The following PXDNL variants were observed in gnomAD, a reference collection of about 807,000 sequenced individuals.
PXDNL encodes probable oxidoreductase PXDNL.
Under a neutral mutation model 150.8 loss-of-function variants are expected in PXDNL, and 145 were observed. The ratio of observed to expected loss-of-function variants is 0.96; its 90% CI spans 0.84 to 1.10. PXDNL has a LOEUF of 1.10. PXDNL is among the 50% of genes least tolerant of loss of function. The pLI, the probability that PXDNL is intolerant of heterozygous loss-of-function variation, is 0.00. For synonymous variants in PXDNL, 757 were observed against 725.7 expected (o/e 1.04, Z -0.69); for missense variants, 2,087 against 1,873.9 (o/e 1.11, Z -2.10).
intron 10 of PXDNL, among the ~76,000 whole-genome samples, chr8:51,452,498 ATT>A (rs1809828192): frequency 6.6e-6 from 1 of 152,204 alleles, no homozygotes; most frequent in Non-Finnish European, 1.5e-5. Context: ...AAACAGTTCA[ATT>A]TAGAAAACAT....
At chr8:51,320,210 G>A (rs765856227) in intron 22 of PXDNL, among the ~76,000 whole-genome samples, 188 bp from the exon 23 acceptor site, 34 of 152,044 alleles carry the variant, frequency 2.2e-4, no homozygotes, top group Non-Finnish European at 3.2e-4. Flanking sequence ...TTTGCAGCAC[G>A]AACAGCAAGC....
At position 51,534,497 on chromosome 8, in the gene PXDNL, C is replaced by T. The variant is rs1389044643; in HGVS notation, c.380+22343G>A. ...GAGGGAGGTGGGGGGGTCAGCCCCC[C>T]GCCCGGCCAGCCGCCCAGTCCGGGA... On this transcript the variant is annotated intron_variant, in intron 4 of 22. Transcript: ENST00000356297. Among the ~76,000 whole-genome samples the T allele has an allele frequency of 1.0e-4, 3 of 28,928 alleles. No individual in the cohort carries two copies. The East Asian group carries it at 3.7e-3, about 35-fold the overall frequency. The allele number at this position is 28,928 out of a possible 152,430, so 19.0% of individuals were successfully genotyped here.
intron 12 of PXDNL, among the ~76,000 whole-genome samples, chr8:51,435,402 T>C (rs1809372858): frequency 6.6e-6 from 1 of 151,812 alleles, no homozygotes; most frequent in South Asian, 2.1e-4. Context: ...AGATGCAACA[T>C]ATTTGGAAGA....
Position 51,666,463 on chromosome 8 carries a change from C to T in PXDNL, c.165-11703G>A, listed in dbSNP as rs141497739. ...TTAGGGAGATACATATACATATATA[C>T]ATGCATATATCCATATACATACACA... On this transcript the variant is annotated intron_variant, in intron 1 of 22. Transcript: ENST00000356297. Among the ~76,000 whole-genome samples, 182 of 152,268 alleles carry T rather than the reference C, an allele frequency of 1.2e-3. 1 individual carries two copies. The highest frequency in any genetic ancestry group is 4.2e-3 in the African/African-American group (173 of 41,568).
chr8:51,566,131 AC>A (rs1448741046), intron 3 of PXDNL, among the ~76,000 whole-genome samples: 2 of 151,890 alleles, frequency 1.3e-5, no homozygotes, highest in Non-Finnish European at 2.9e-5. Flanking sequence ...ATGTTGAACC[AC>A]CTTTGTATAC....
chr8:51,518,339 C>T (rs1811589513), intron 4 of PXDNL, among the ~76,000 whole-genome samples: 2 of 152,112 alleles, frequency 1.3e-5, no homozygotes, highest in African/African-American at 4.8e-5. Flanking sequence ...GCACACAATA[C>T]TTGGGAGAAT....
At chr8:51,666,319 T>G (rs1210894471) in intron 1 of PXDNL, among the ~76,000 whole-genome samples, 2 of 152,162 alleles carry the variant, frequency 1.3e-5, no homozygotes, top group Non-Finnish European at 2.9e-5. Flanking sequence ...ATGAGCCCTC[T>G]TCCCTCTTCC....
At chr8:51,494,389 A>G (rs897348628) in intron 5 of PXDNL, among the ~76,000 whole-genome samples, 13 of 152,162 alleles carry the variant, frequency 8.5e-5, no homozygotes, top group Non-Finnish European at 1.9e-4. Context: ...GAAAATAACC[A>G]GCTAACATCA....
intron 3 of PXDNL, among the ~76,000 whole-genome samples, chr8:51,569,383 A>G (rs1812883481): frequency 1.3e-5 from 2 of 151,930 alleles, no homozygotes; most frequent in South Asian, 4.1e-4. Context: ...AAATTTGGAG[A>G]GCAAATATGA....
chr8:51,404,195 C>T (rs945512929), intron 17 of PXDNL, among the ~76,000 whole-genome samples: 46 of 152,220 alleles, frequency 3.0e-4, no homozygotes, highest in African/African-American at 9.4e-4. Flanking sequence ...CAATATTTAT[C>T]GCAAAGAGCG....
At chr8:51,755,903 G>GA (rs1244009854) in intron 1 of PXDNL, among the ~76,000 whole-genome samples, 1 of 152,112 alleles carries the variant, frequency 6.6e-6, no homozygotes, top group Non-Finnish European at 1.5e-5. Flanking sequence ...TTTAGACTCA[G>GA]AAAAAATAGA....
intron 8 of PXDNL, among the ~76,000 whole-genome samples, chr8:51,466,964 C>A (rs964698201): frequency 3.9e-5 from 6 of 152,104 alleles, no homozygotes; most frequent in Non-Finnish European, 7.4e-5. Flanking sequence ...TTAGTTTAGC[C>A]ACTGCAGAGA....
intron 1 of PXDNL, among the ~76,000 whole-genome samples, chr8:51,680,312 A>G (rs919307015): frequency 2.6e-5 from 4 of 152,188 alleles, no homozygotes; most frequent in African/African-American, 9.7e-5. Context: ...TTCAAAACAC[A>G]GAAAACTAGG....
At chr8:51,710,786 C>G (rs1460892176) in intron 1 of PXDNL, among the ~76,000 whole-genome samples, 1 of 152,018 alleles carries the variant, frequency 6.6e-6, no homozygotes, top group Non-Finnish European at 1.5e-5. Flanking sequence ...ATGGTCATAC[C>G]AATAGATACA....
intron 5 of PXDNL, among the ~76,000 whole-genome samples, chr8:51,486,764 A>G (rs1326626387): frequency 0.018 from 261 of 14,670 alleles, 6 homozygotes; most frequent in African/African-American, 0.069. Flanking sequence ...ATATATATAT[A>G]TATATATATA....
In PXDNL at chr8:51,423,558, G is replaced by A. The variant is rs774046787; in HGVS notation, c.1795+17C>T. The stretch of plus-strand genomic sequence containing the variant: ...GACAGTTATTTGGATGTTGTAAATG[G>A]AGCTATAGACACCTACCCGTGACTG... On this transcript the variant is annotated intron_variant, in intron 14 of 22. Coordinates refer to ENST00000356297, the MANE Select transcript of PXDNL (RefSeq NM_144651.5). 6.2e-7 allele frequency: 1 copy of A among 1,609,626 alleles called. No homozygotes were observed. The highest frequency in any genetic ancestry group is 8.5e-7 in the Non-Finnish European group (1 of 1,177,400).
chr8:51,807,304 AAG>A (rs1269537062), intron 1 of PXDNL, among the ~76,000 whole-genome samples: 1 of 152,128 alleles, frequency 6.6e-6, no homozygotes, highest in East Asian at 1.9e-4. Flanking sequence ...GAGCAAGAGG[AAG>A]AGAGACGCAA....
At chr8:51,420,203 T>G (rs1808909974) in intron 14 of PXDNL, among the ~76,000 whole-genome samples, 1 of 152,208 alleles carries the variant, frequency 6.6e-6, no homozygotes, top group African/African-American at 2.4e-5. Flanking sequence ...ATTACAACAT[T>G]CTACAATAAC....
chr8:51,614,619 T>C (rs1360193209), intron 2 of PXDNL, among the ~76,000 whole-genome samples: 1 of 152,218 alleles, frequency 6.6e-6, no homozygotes, highest in Non-Finnish European at 1.5e-5. Flanking sequence ...CTAAAGTTTT[T>C]CTTTTAACCC....
Sources: gnomAD v4.1 joint callset for allele counts (sites outside exome capture counted in the v4.1 genomes callset) on GRCh38, gnomAD v4.1.1 for gene constraint, MANE v1.5 for transcripts, NCBI Gene and HGNC (gene_info 2026-07-23, HGNC 2026-07-21) for gene names.